The following PTPRD variants were observed in gnomAD, a reference collection of about 807,000 sequenced individuals.
PTPRD encodes the protein protein tyrosine phosphatase receptor type D.
PTPRD carries 34 observed loss-of-function variants against 214.5 expected under a neutral mutation model. That is an observed-to-expected ratio of 0.16 (90% CI 0.12 to 0.21). The LOEUF is 0.21. Ranked by LOEUF, PTPRD falls within the 10% of genes least tolerant of loss-of-function variation. The pLI is 1.00. For synonymous variants in PTPRD, 1,128 were observed against 845.7 expected (o/e 1.33, Z -5.79); for missense variants, 2,545 against 2,398.7 (o/e 1.06, Z -1.27).
chr9:9,883,156 C>T (rs1335960283), intron 5 of PTPRD, among the ~76,000 whole-genome samples: 43 of 152,208 alleles, frequency 2.8e-4, no homozygotes, highest in African/African-American at 1.0e-3. Flanking sequence ...ACAAACCCCC[C>T]AAGAGGCGAA....
chr9:8,952,957 G>GGTT (rs35731524), intron 11 of PTPRD, among the ~76,000 whole-genome samples: 69,401 of 151,440 alleles, frequency 0.46, 16,774 homozygotes, highest in East Asian at 0.76. Flanking sequence ...GTATATGTTA[G>GGTT]GTTATACCTA....
chr9:9,098,036 T>C (rs2099786160), intron 10 of PTPRD, among the ~76,000 whole-genome samples: 1 of 151,826 alleles, frequency 6.6e-6, no homozygotes, highest in East Asian at 1.9e-4. Flanking sequence ...TTTTAATTTT[T>C]TAACAATATT....
chr9:10,037,491 C>A (rs935166927), intron 3 of PTPRD, among the ~76,000 whole-genome samples: 4 of 151,660 alleles, frequency 2.6e-5, no homozygotes, highest in Admixed American at 2.0e-4. Flanking sequence ...GGCTCCCCAG[C>A]CATGCTTTGG....
At chr9:9,200,940 A>C (rs1271234617) in intron 9 of PTPRD, among the ~76,000 whole-genome samples, 1 of 152,190 alleles carries the variant, frequency 6.6e-6, no homozygotes, top group East Asian at 1.9e-4. Flanking sequence ...TAAAAAGCTA[A>C]TCTCTTCTTA....
intron 9 of PTPRD, among the ~76,000 whole-genome samples, chr9:9,267,772 A>T (rs900247716): frequency 1.3e-5 from 2 of 150,038 alleles, no homozygotes; most frequent in Non-Finnish European, 3.0e-5. Context: ...GATGAATTAT[A>T]AAAATCATAT....
At chr9:9,274,848 T>C (rs1212166767) in intron 9 of PTPRD, among the ~76,000 whole-genome samples, 1 of 149,490 alleles carries the variant, frequency 6.7e-6, no homozygotes, top group Admixed American at 6.8e-5. Context: ...CAGTGAGATA[T>C]TCATATAGGT....
intron 3 of PTPRD, among the ~76,000 whole-genome samples, chr9:10,095,204 TAAC>T (rs2098471264): frequency 6.6e-6 from 1 of 151,462 alleles, no homozygotes; most frequent in African/African-American, 2.4e-5. Flanking sequence ...TTAATGGATT[TAAC>T]TTTATATATT....
At chr9:9,706,283 T>C (rs1316678519) in intron 7 of PTPRD, among the ~76,000 whole-genome samples, 1 of 152,154 alleles carries the variant, frequency 6.6e-6, no homozygotes, top group African/African-American at 2.4e-5. Flanking sequence ...CCTAAACAAT[T>C]ATTCTAAAAT....
At chr9:8,648,343 G>A (rs2096737042) in intron 12 of PTPRD, among the ~76,000 whole-genome samples, 1 of 152,136 alleles carries the variant, frequency 6.6e-6, no homozygotes, top group Non-Finnish European at 1.5e-5. Context: ...AACTATTGAT[G>A]TGCTTAGTAA....
intron 7 of PTPRD, among the ~76,000 whole-genome samples, chr9:9,622,563 A>G (rs1243170876): frequency 6.6e-6 from 1 of 152,232 alleles, no homozygotes; most frequent in African/African-American, 2.4e-5. Context: ...GATACGCTGC[A>G]TTTCCCATGA....
chr9:9,933,941 A>G (rs1365735716), intron 5 of PTPRD, among the ~76,000 whole-genome samples: 1 of 145,564 alleles, frequency 6.9e-6, no homozygotes, highest in Non-Finnish European at 1.5e-5. Context: ...AAGCTGCTCA[A>G]CTACATGGAA....
chr9:8,325,754 A>C (rs530192995), intron 44 of PTPRD, among the ~76,000 whole-genome samples: 11 of 152,022 alleles, frequency 7.2e-5, no homozygotes, highest in Non-Finnish European at 1.0e-4. Flanking sequence ...CTCTTGTTTC[A>C]TTGAACAGTG....
rs145964127 is a variant in PTPRD at position 9,006,722 on chromosome 9, C to A, written c.-104+11975G>T. 2.6e-5 allele frequency among the ~76,000 whole-genome samples: 4 copies of A among 151,980 alleles called. No homozygotes were observed. The East Asian group carries it at 5.8e-4, about 22-fold the overall frequency. On this transcript the variant is annotated intron_variant, in intron 11 of 45. Transcript: ENST00000381196. The stretch of plus-strand genomic sequence containing the variant: ...CCTGATATTTTAAAAAAGTTTCATA[C>A]TTTGGCATAGTAAGAAATCTAAGAT...
chr9:8,785,538 T>C (rs2095909029), intron 11 of PTPRD, among the ~76,000 whole-genome samples: 2 of 152,250 alleles, frequency 1.3e-5, no homozygotes, highest in Admixed American at 6.5e-5. Flanking sequence ...TATTGCTTCC[T>C]GCCAGCCCCT....
chr9:10,464,214 A>T (rs542952266), intron 2 of PTPRD, among the ~76,000 whole-genome samples: 1 of 152,116 alleles, frequency 6.6e-6, no homozygotes, highest in African/African-American at 2.4e-5. Flanking sequence ...CCTGACCAAC[A>T]TGGTGAAACC....
chr9:10,173,189 T>G (rs1159684838), intron 3 of PTPRD, among the ~76,000 whole-genome samples: 1 of 152,168 alleles, frequency 6.6e-6, no homozygotes, highest in Admixed American at 6.6e-5. Context: ...GGGGATTTAT[T>G]TTGAAGTGTT....
At chr9:10,307,447 T>C (rs1426155035) in intron 3 of PTPRD, among the ~76,000 whole-genome samples, 1 of 152,136 alleles carries the variant, frequency 6.6e-6, no homozygotes, top group Non-Finnish European at 1.5e-5. Flanking sequence ...CATGTTTTCT[T>C]TATCCATTCA....
At chr9:9,041,485 G>C (rs138407570) in intron 10 of PTPRD, among the ~76,000 whole-genome samples, 1 of 152,034 alleles carries the variant, frequency 6.6e-6, no homozygotes, top group Non-Finnish European at 1.5e-5. Context: ...CTGTTCCTGG[G>C]TTAGTTTGCT....
chr9:10,361,906 G>C (rs2097400176), intron 2 of PTPRD, among the ~76,000 whole-genome samples: 1 of 152,128 alleles, frequency 6.6e-6, no homozygotes, highest in African/African-American at 2.4e-5. Flanking sequence ...AATTAGATGG[G>C]CACACATATT....
Sources: gnomAD v4.1 joint callset for allele counts (sites outside exome capture counted in the v4.1 genomes callset) on GRCh38, gnomAD v4.1.1 for gene constraint, MANE v1.5 for transcripts, NCBI Gene and HGNC (gene_info 2026-07-23, HGNC 2026-07-21) for gene names.